The following RAD50 variants were observed in gnomAD, a reference collection of about 807,000 sequenced individuals.
RAD50 encodes the protein DNA repair protein RAD50.
RAD50 carries 132 observed loss-of-function variants against 168.8 expected under a neutral mutation model. That is an observed-to-expected ratio of 0.78 (90% confidence interval 0.68 to 0.90). The LOEUF is 0.90. RAD50 is among the 40% of genes least tolerant of loss of function. The probability of loss-of-function intolerance (pLI) is 0.00; values close to 1 mark genes in which losing one functional copy is unlikely to be tolerated. For synonymous variants in RAD50, 525 were observed against 497.4 expected (o/e 1.06, Z -0.74); for missense variants, 1,347 against 1,534.4 (o/e 0.88, Z 2.04).
At chr5:132,569,568 A>G (rs1294981461) in intron 2 of RAD50, among the ~76,000 whole-genome samples, 1 of 152,234 alleles carries the variant, frequency 6.6e-6, no homozygotes, top group Non-Finnish European at 1.5e-5. Flanking sequence ...TCAGTAGAGA[A>G]AAGAAGCAGA....
At chr5:132,599,648 C>T (rs1750851879) in intron 13 of RAD50, among the ~76,000 whole-genome samples, 1 of 152,010 alleles carries the variant, frequency 6.6e-6, no homozygotes, top group South Asian at 2.1e-4. Context: ...GCCTCGAACT[C>T]CTAAGCTCAA....
intron 21 of RAD50, among the ~76,000 whole-genome samples, chr5:132,632,233 A>G (rs909658176): frequency 2.6e-5 from 4 of 152,202 alleles, no homozygotes; most frequent in African/African-American, 9.7e-5. Flanking sequence ...CACTTATACA[A>G]CTAAAGCCAT....
In RAD50 at chr5:132,595,818, T is replaced by C. The variant is rs1554098728; in HGVS notation, c.2207+8T>C. On this transcript the variant is annotated splice_region_variant and intron_variant, in intron 13 of 24. Transcript: ENST00000378823. ...GGGACTTGTGCCCATGAGGTAAGAATGGGATTTACCTTCACTGTACATGTA... is the reference window on the plus strand; with the variant it reads ...GGGACTTGTGCCCATGAGGTAAGAACGGGATTTACCTTCACTGTACATGTA... 3.8e-6 allele frequency: 6 copies of C among 1,583,110 alleles called. No individual in the cohort carries two copies. In the East Asian group the frequency reaches 1.3e-4, roughly 35 times the overall value.
chr5:132,633,613 T>A (rs1751517000), intron 21 of RAD50, among the ~76,000 whole-genome samples: 1 of 152,022 alleles, frequency 6.6e-6, no homozygotes, highest in Non-Finnish European at 1.5e-5. Flanking sequence ...TCTTACTCTG[T>A]CACCGAGGCT....
In RAD50 at chr5:132,612,255, G is replaced by T. The variant is rs529606174; in HGVS notation, c.3036+2859G>T. Among the ~76,000 whole-genome samples the T allele has an allele frequency of 1.8e-4, 27 of 152,232 alleles. No homozygotes were observed. In the South Asian group the frequency reaches 2.3e-3, roughly 13 times the overall value. ...TAAGCAAAAGAAGCCAGTCACAAAA[G>T]GTCACATAATGTACGATTCCACTTA... On this transcript the variant is annotated intron_variant, in intron 19 of 24. Coordinates refer to ENST00000378823, the MANE Select transcript of RAD50 (RefSeq NM_005732.4).
intron 19 of RAD50, among the ~76,000 whole-genome samples, chr5:132,612,164 C>T (rs1751099443): frequency 6.6e-6 from 1 of 152,108 alleles, no homozygotes; most frequent in African/African-American, 2.4e-5. Context: ...TATACCCATA[C>T]AATGGAATAT....
chr5:132,595,422 G>A, intron 12 of RAD50, 151 bp from the exon 13 acceptor site: 2 of 515,396 alleles, frequency 3.9e-6, no homozygotes, highest in Non-Finnish European at 6.4e-6. Flanking sequence ...GCGAATATCG[G>A]AATTTTAAAT....
chr5:132,581,226 G>C (rs2299013), intron 5 of RAD50, among the ~76,000 whole-genome samples: 26,623 of 151,738 alleles, frequency 0.18, 2,598 homozygotes, highest in South Asian at 0.23. Flanking sequence ...TAGCCTCCAG[G>C]GTAGCTGGGA....
rs538482587 is a variant in RAD50, at chr5:132,645,539, T to C, written c.*3175T>C. On this transcript the variant is annotated 3_prime_UTR_variant, in exon 25 of 25. Transcript: ENST00000378823. ...GGTGATCTCATCCAGTCTCATAGCT[T>C]TAAATTATCTTAGTTTGGGTTCTCC... 6.6e-6 allele frequency: 1 copy of C among 152,322 alleles called. No individual in the cohort carries two copies. Among genetic ancestry groups the C allele is most frequent in the East Asian group, 1.9e-4 (1 of 5,190 alleles). 9.4% of individuals were successfully genotyped at this position (152,322 alleles called of 1,614,324 possible).
intron 21 of RAD50, among the ~76,000 whole-genome samples, chr5:132,632,484 T>G (rs1447809875): frequency 1.3e-5 from 2 of 148,748 alleles, no homozygotes; most frequent in African/African-American, 2.6e-5. Flanking sequence ...TTTTTCTGAG[T>G]TTTTTTTTCC....
chr5:132,587,894 A>T, intron 6 of RAD50, 30 bp from the exon 7 acceptor site: 1 of 1,606,442 alleles, frequency 6.2e-7, no homozygotes, highest in Middle Eastern at 1.7e-4. Flanking sequence ...ATGTTTGTAC[A>T]TTAAAGCTTT....
chr5:132,627,650 A>G (rs1158474456), intron 21 of RAD50, among the ~76,000 whole-genome samples: 2 of 152,242 alleles, frequency 1.3e-5, no homozygotes, highest in East Asian at 1.9e-4. Context: ...GGGATAGACC[A>G]TTCCCAGAGT....
chr5:132,586,462 C>G (rs1472667380), intron 5 of RAD50, among the ~76,000 whole-genome samples: 1 of 152,154 alleles, frequency 6.6e-6, no homozygotes, highest in African/African-American at 2.4e-5. Flanking sequence ...TTTCAAATCT[C>G]TCTTTCGTTT....
Position 132,575,809 on chromosome 5 carries a change from T to G in RAD50, c.246T>G (p.Ile82Met), listed in dbSNP as rs764002127. The change falls in exon 3 of 25, where the codon ATT (isoleucine) becomes ATG (methionine). Residue 82 changes from isoleucine to methionine, a missense_variant. Ile to Met is a conservative substitution (Grantham distance 10, BLOSUM62 1). Around this residue, in one of 3 missense-constraint regions of RAD50, gnomAD observed 703 missense variants for 767.7 expected, o/e 0.92. Transcript: ENST00000378823. ...VAQETDVRAQ[I>M]RLQFRDVNGE... ...AAGAAACAGATGTGAGAGCCCAGAT[T>G]CGTCTGCAATTTCGTGATGTCAATG... The G allele has an allele frequency of 6.2e-7, 1 of 1,601,018 alleles. No homozygotes were observed. The highest frequency in any genetic ancestry group is 1.7e-4 in the Middle Eastern group (1 of 6,040).
In RAD50 at chr5:132,571,650, C is replaced by T. The variant is rs115410548; in HGVS notation, c.214-4127C>T. On this transcript the variant is annotated intron_variant, in intron 2 of 24. Transcript: ENST00000378823. The stretch of plus-strand genomic sequence containing the variant: ...GGAGGATTGCTTATGACTCAGAGGT[C>T]GTGGATGCAGTGAGCTGTGTTCATG... 4.5e-3 allele frequency among the ~76,000 whole-genome samples: 679 copies of T among 151,978 alleles called. 8 individuals carry two copies. The highest frequency in any genetic ancestry group is 0.016 in the African/African-American group (645 of 41,458).
rs1186188551 is a variant in RAD50, at chr5:132,609,359, A to C, written c.2999A>C (p.Asp1000Ala). The change falls in exon 19 of 25, where the codon GAT becomes GCT. Residue 1000 changes from aspartate (D) to alanine (A), a missense_variant. Asp to Ala is a moderately radical substitution (Grantham distance 126). Coordinates refer to ENST00000378823, the MANE Select transcript of RAD50 (RefSeq NM_005732.4). ...CEKHKEKINE[D>A]MRLMRQDIDT... ...AAACACAAAGAAAAGATAAATGAAG[A>C]TATGAGACTCATGAGACAAGATATT... 1 of 1,613,792 alleles carries C rather than the reference A, an allele frequency of 6.2e-7. No individual in the cohort carries two copies. The highest frequency in any genetic ancestry group is 8.5e-7 in the Non-Finnish European group (1 of 1,179,908).
intron 15 of RAD50, among the ~76,000 whole-genome samples, chr5:132,604,318 T>G (rs1049229277): frequency 9.2e-5 from 14 of 151,378 alleles, no homozygotes; most frequent in Non-Finnish European, 1.9e-4. Flanking sequence ...CAGGCTGGAG[T>G]GCAATGGTGC....
At chr5:132,639,123 G>A (rs1056482607) in intron 23 of RAD50, among the ~76,000 whole-genome samples, 1 of 151,878 alleles carries the variant, frequency 6.6e-6, no homozygotes, top group Non-Finnish European at 1.5e-5. Context: ...TTGGAAGGCC[G>A]AGGCGGGCAG....
intron 20 of RAD50, among the ~76,000 whole-genome samples, chr5:132,617,094 A>G (rs1334786183): frequency 6.6e-6 from 1 of 152,162 alleles, no homozygotes; most frequent in East Asian, 1.9e-4. Flanking sequence ...CACAGAGGAA[A>G]TTATGATGAA....
Sources: gnomAD v4.1 joint callset for allele counts (sites outside exome capture counted in the v4.1 genomes callset) on GRCh38, gnomAD v4.1.1 for gene constraint, gnomAD v4.1.1 regional missense constraint, MANE v1.5 for transcripts, NCBI Gene and HGNC (gene_info 2026-07-23, HGNC 2026-07-21) for gene names.